Variants in CFAP54 observed in about 807,000 individuals in gnomAD.
CFAP54 encodes cilia- and flagella-associated protein 54.
A neutral mutation model predicts 370.4 loss-of-function variants in CFAP54; 290 were observed. The observed-to-expected ratio is 0.78, with a 90% confidence interval of 0.71 to 0.86. CFAP54 has a LOEUF of 0.86. CFAP54 is among the 40% of genes least tolerant of loss of function. The probability of loss-of-function intolerance (pLI) is 0.00; values close to 1 mark genes in which losing one functional copy is unlikely to be tolerated. For missense variants in CFAP54, 3,399 were observed against 3,528.7 expected (o/e 0.96, Z 0.93); for synonymous variants, 1,206 against 1,236.5 (o/e 0.98, Z 0.52).
intron 66 of CFAP54, among the ~76,000 whole-genome samples, chr12:96,834,781 G>C (rs1959180984): frequency 6.6e-6 from 1 of 152,218 alleles, no homozygotes; most frequent in Admixed American, 6.5e-5. Flanking sequence ...AGCCTTGTTT[G>C]TGTTACAGCT....
chr12:96,551,747 A>G (rs1383090064), intron 15 of CFAP54, among the ~76,000 whole-genome samples: 1 of 152,180 alleles, frequency 6.6e-6, no homozygotes, highest in Non-Finnish European at 1.5e-5. Context: ...AGTTAGGAAT[A>G]TACAAGAACC....
At chr12:96,796,506 C>T (rs558449281) in intron 63 of CFAP54, among the ~76,000 whole-genome samples, 7 of 152,040 alleles carry the variant, frequency 4.6e-5, no homozygotes, top group Non-Finnish European at 1.0e-4. Context: ...TGAGAAATAG[C>T]GATATCATTC....
intron 55 of CFAP54, among the ~76,000 whole-genome samples, chr12:96,750,285 TGCAGCA>T (rs372696653): frequency 2.0e-5 from 3 of 151,516 alleles, no homozygotes; most frequent in Non-Finnish European, 4.4e-5. Context: ...ACCTGTCTCC[TGCAGCA>T]GCAGCAGCAG....
At chr12:96,730,060 TC>T (rs1957902913) in intron 50 of CFAP54, among the ~76,000 whole-genome samples, 1 of 152,142 alleles carries the variant, frequency 6.6e-6, no homozygotes, top group Non-Finnish European at 1.5e-5. Flanking sequence ...AAAGTTATCC[TC>T]TAGTTTGGGA....
chr12:96,766,263 C>A (rs764579661), intron 60 of CFAP54, among the ~76,000 whole-genome samples: 1 of 151,892 alleles, frequency 6.6e-6, no homozygotes. Context: ...TTTTTTTTTA[C>A]GCTGAGGTTT....
rs770602289 is a variant in CFAP54 at position 96,720,454 on chromosome 12, A to G, written c.6854A>G (p.Glu2285Gly). ...GACAGGCTAAACTTCCTTCTGTCCG[A>G]GGTGGAACAGAAGACCCTGTCTCAG... ...AEDRLNFLLS[E>G]VEQKTLSQCS... The change falls in exon 50 of 68, where the codon GAG (glutamate) becomes GGG (glycine). Residue 2285 changes from glutamate (E) to glycine (G), a missense_variant. This residue lies in a region of CFAP54 where 2,796 missense variants were observed against 2,869.7 expected (regional missense o/e 0.97). Transcript: ENST00000524981. The G allele has an allele frequency of 2.5e-6, 4 of 1,602,422 alleles. No homozygotes were observed. The highest frequency in any genetic ancestry group is 2.6e-6 in the Non-Finnish European group (3 of 1,174,028).
intron 4 of CFAP54, 86 bp from the exon 5 acceptor site, chr12:96,512,900 A>C (rs1187980172): frequency 1.3e-6 from 1 of 750,162 alleles, no homozygotes. Flanking sequence ...TGTTTTGGGA[A>C]CTACAGACTT....
intron 6 of CFAP54, 33 bp downstream of exon 6, chr12:96,519,104 T>C (rs943586339): frequency 7.2e-7 from 1 of 1,389,694 alleles, no homozygotes; most frequent in African/African-American, 1.5e-5. Flanking sequence ...GGAGTCGAGT[T>C]TTTTTTTTTT....
At chr12:96,818,235 A>G (rs1260974133) in intron 65 of CFAP54, among the ~76,000 whole-genome samples, 5 of 152,208 alleles carry the variant, frequency 3.3e-5, no homozygotes, top group African/African-American at 1.2e-4. Flanking sequence ...CTCTAAATCT[A>G]TTATTTAAAC....
At chr12:96,723,617 G>C (rs1957786335) in intron 50 of CFAP54, among the ~76,000 whole-genome samples, 1 of 151,930 alleles carries the variant, frequency 6.6e-6, no homozygotes. Context: ...TTGTTTATGA[G>C]AGAATGGGAA....
At chr12:96,555,684 A>AG (rs1955744343) in intron 17 of CFAP54, among the ~76,000 whole-genome samples, 2 of 151,458 alleles carry the variant, frequency 1.3e-5, no homozygotes, top group Admixed American at 6.6e-5. Flanking sequence ...AAGGGTTTCA[A>AG]TCTAACCAAA....
At position 96,720,578 on chromosome 12, in the gene CFAP54, A is replaced by G. The variant is rs955750569; in HGVS notation, c.6965+13A>G. 1.0e-5 allele frequency: 15 copies of G among 1,481,094 alleles called. No homozygotes were observed. Among genetic ancestry groups the G allele is most frequent in the Admixed American group, 7.1e-5 (3 of 42,496 alleles). 91.7% of individuals were successfully genotyped at this position (1,481,094 alleles called of 1,614,324 possible). A position where few individuals can be genotyped will look rare whatever the true frequency, so the allele number is the denominator to read the frequency against. On this transcript the variant is annotated intron_variant, in intron 50 of 67. Transcript: ENST00000524981. ...GGGCGGCATACAGGTGCGTCTCTCC[A>G]TGCACAGGGGAGGGATACCTTTGAA...
intron 42 of CFAP54, among the ~76,000 whole-genome samples, chr12:96,688,328 A>G (rs1377244305): frequency 6.6e-6 from 1 of 152,210 alleles, no homozygotes; most frequent in African/African-American, 2.4e-5. Flanking sequence ...AGAAAATACA[A>G]TGCTTCAGTC....
chr12:96,527,516 G>T, intron 9 of CFAP54, 72 bp downstream of exon 9: 3 of 952,948 alleles, frequency 3.1e-6, no homozygotes, highest in South Asian at 2.1e-5. Flanking sequence ...TAACATGGTA[G>T]TCCATACATA....
intron 15 of CFAP54, among the ~76,000 whole-genome samples, chr12:96,549,562 C>A (rs765793545): frequency 3.3e-5 from 5 of 152,142 alleles, no homozygotes; most frequent in Non-Finnish European, 5.9e-5. Context: ...GACATATTTT[C>A]TTTGGCATGG....
intron 55 of CFAP54, among the ~76,000 whole-genome samples, chr12:96,753,037 A>G (rs1279284601): frequency 6.6e-6 from 1 of 152,222 alleles, no homozygotes; most frequent in East Asian, 1.9e-4. Context: ...GCTGGAATGT[A>G]GGACACATTT....
chr12:96,691,116 T>C lies in CFAP54; in HGVS notation c.6082-12T>C, dbSNP rs768057745. 2.5e-6 allele frequency: 4 copies of C among 1,610,268 alleles called. No homozygotes were observed. Among genetic ancestry groups the C allele is most frequent in the South Asian group, 1.1e-5 (1 of 90,088 alleles). Reference sequence around the variant, plus strand: ...CTATAGCTCTTTATATTTCACTTTTTTTCATTTTCAGGGTTTGCTTAGAAC... The same window carrying C: ...CTATAGCTCTTTATATTTCACTTTTCTTCATTTTCAGGGTTTGCTTAGAAC... On this transcript the variant is annotated splice_polypyrimidine_tract_variant and intron_variant, in intron 43 of 67. Transcript: ENST00000524981.
intron 63 of CFAP54, among the ~76,000 whole-genome samples, chr12:96,810,420 G>C (rs1191233315): frequency 1.3e-5 from 2 of 152,140 alleles, no homozygotes; most frequent in African/African-American, 2.4e-5. Flanking sequence ...CAGAGGTAAA[G>C]GCATGTGCTT....
chr12:96,639,227 T>TA (rs1956697113), intron 32 of CFAP54, among the ~76,000 whole-genome samples: 1 of 151,990 alleles, frequency 6.6e-6, no homozygotes, highest in South Asian at 2.1e-4. Flanking sequence ...ATGGACGCAA[T>TA]AAAAAATGAT....
Sources: gnomAD v4.1 joint callset for allele counts (sites outside exome capture counted in the v4.1 genomes callset) on GRCh38, gnomAD v4.1.1 for gene constraint, gnomAD v4.1.1 regional missense constraint, MANE v1.5 for transcripts, NCBI Gene and HGNC (gene_info 2026-07-23, HGNC 2026-07-21) for gene names.